FER1L6: variants seen among roughly 807,000 people sequenced by gnomAD.
FER1L6 encodes the protein fer-1-like protein 6.
FER1L6 carries 177 observed loss-of-function variants against 219.2 expected under a neutral mutation model. The observed-to-expected ratio is 0.81, with a 90% CI of 0.71 to 0.91. The LOEUF (loss-of-function observed/expected upper bound fraction) is 0.91. FER1L6 is among the 40% of genes least tolerant of loss of function. The probability of loss-of-function intolerance (pLI) is 0.00; values close to 1 mark genes in which losing one functional copy is unlikely to be tolerated. For synonymous variants in FER1L6, 768 were observed against 824.3 expected (o/e 0.93, Z 1.17); for missense variants, 2,153 against 2,259.9 (o/e 0.95, Z 0.96).
intron 17 of FER1L6, 79 bp downstream of exon 17, chr8:124,021,748 G>A (rs897100955): frequency 1.3e-6 from 2 of 1,530,472 alleles, no homozygotes; most frequent in African/African-American, 1.4e-5. Context: ...GTTGGTACGG[G>A]TGAAATATGA....
intron 18 of FER1L6, among the ~76,000 whole-genome samples, chr8:124,025,783 G>T (rs1818681755): frequency 6.6e-6 from 1 of 152,120 alleles, no homozygotes; most frequent in Non-Finnish European, 1.5e-5. Flanking sequence ...TTATTTTCAT[G>T]ATATTGATTC....
chr8:124,071,535 G>C lies in FER1L6; in HGVS notation c.3996G>C (p.Gln1332His). The C allele has an allele frequency of 6.2e-7, 1 of 1,614,094 alleles. No individual in the cohort carries two copies. The highest frequency in any genetic ancestry group is 1.3e-5 in the African/African-American group (1 of 75,018). ...KGSFCIYKSPQDSSSEDSGQL... is the reference protein window; with the variant it reads ...KGSFCIYKSPHDSSSEDSGQL... ...CCTTCTGCATCTACAAAAGCCCCCAGGATTCTAGCTCTGAGGACAGCGGGC... is the reference window on the plus strand; with the variant it reads ...CCTTCTGCATCTACAAAAGCCCCCACGATTCTAGCTCTGAGGACAGCGGGC... Residue 1332 changes from glutamine to histidine, a missense_variant, in exon 31 of 41, where the codon CAG (glutamine) becomes CAC (histidine). Gln to His is a conservative substitution (Grantham distance 24). Coordinates refer to ENST00000522917, the MANE Select transcript of FER1L6 (RefSeq NM_001039112.2).
rs546141300 is a variant in FER1L6 at position 124,013,635 on chromosome 8, T to C, written c.1922+104T>C. 2.1e-4 allele frequency: 135 copies of C among 642,654 alleles called. 1 individual carries two copies. In the African/African-American group the frequency reaches 2.2e-3, roughly 11 times the overall value. The allele number at this position is 642,654 out of a possible 1,614,324, so 39.8% of individuals were successfully genotyped here. A position where few individuals can be genotyped will look rare whatever the true frequency, so the allele number is the denominator to read the frequency against. On this transcript the variant is annotated intron_variant, in intron 15 of 40. Coordinates refer to ENST00000522917, the MANE Select transcript of FER1L6 (RefSeq NM_001039112.2). ...ATTTCACATGCATTCAAATGGGTGT[T>C]TTAGAGTGCTGTATCCATCTTAATT...
intron 1 of FER1L6, among the ~76,000 whole-genome samples, chr8:123,912,011 C>T (rs575802602): frequency 1.3e-5 from 2 of 152,218 alleles, no homozygotes; most frequent in South Asian, 4.1e-4. Context: ...ATCTGTTTGG[C>T]ATGGAGTGAG....
rs555407987 is a variant in FER1L6, at chr8:123,979,328, C to T, written c.1064-1137C>T. ...CATCTACTGAGCGGAAATTCTTTTA[C>T]CTGACCTCTGCCTGGCTGGCTCAGT... On this transcript the variant is annotated intron_variant, in intron 10 of 40. Transcript: ENST00000522917. Among the ~76,000 whole-genome samples the T allele has an allele frequency of 2.6e-5, 4 of 152,252 alleles. No homozygotes were observed. In the East Asian group the frequency reaches 7.7e-4, roughly 29 times the overall value.
intron 18 of FER1L6, among the ~76,000 whole-genome samples, chr8:124,024,449 C>T (rs556964540): frequency 2.0e-5 from 3 of 146,666 alleles, no homozygotes; most frequent in African/African-American, 7.5e-5. Context: ...TGAGAACATA[C>T]AGTATTTGGT....
intron 2 of FER1L6, among the ~76,000 whole-genome samples, chr8:123,960,985 A>C (rs1815247370): frequency 6.6e-6 from 1 of 152,162 alleles, no homozygotes; most frequent in Non-Finnish European, 1.5e-5. Flanking sequence ...ACGGTGGCTC[A>C]TGCCTGCGAT....
intron 1 of FER1L6, among the ~76,000 whole-genome samples, chr8:123,865,249 G>T (rs920265847): frequency 2.7e-5 from 4 of 149,918 alleles, no homozygotes; most frequent in Non-Finnish European, 5.9e-5. Context: ...AGTGTGAGGT[G>T]TCAGTGTGCC....
At chr8:123,873,185 C>T (rs1294689903) in intron 1 of FER1L6, among the ~76,000 whole-genome samples, 3 of 152,190 alleles carry the variant, frequency 2.0e-5, no homozygotes, top group African/African-American at 7.2e-5. Flanking sequence ...ATGCACCTGA[C>T]CCCTGTTGAT....
rs971437190 is a variant in FER1L6 at position 124,039,979 on chromosome 8, G to A, written c.2562G>A (p.Thr854=). ...NGLSDPFAKV[T]FLSHCQTTKI... ...TTTCAGACCCTTTTGCCAAAGTCAC[G>A]TTCCTTTCTCACTGCCAGACAACAA... The change falls in exon 20 of 41, where the codon ACG becomes ACA. Residue 854 remains threonine (T), a synonymous_variant. Transcript: ENST00000522917. 16 of 1,613,940 alleles carry A rather than the reference G, an allele frequency of 9.9e-6. No individual in the cohort carries two copies. Among genetic ancestry groups the A allele is most frequent in the African/African-American group, 4.0e-5 (3 of 74,912 alleles).
rs937078053 is a variant in FER1L6 at position 123,853,855 on chromosome 8, G to C, written c.-8+1670G>C. On this transcript the variant is annotated intron_variant, in intron 1 of 40. Coordinates refer to ENST00000522917, the MANE Select transcript of FER1L6 (RefSeq NM_001039112.2). This position sits in a 1 kb window ranked among gnomAD's most constrained non-coding sequence, Gnocchi z 6.6. ...GATGAAGCCACAGTGATGCTACCCA[G>C]GGACTCTGCAGAGCTGCCAGTCTCC... 1.3e-5 allele frequency among the ~76,000 whole-genome samples: 2 copies of C among 152,194 alleles called. No homozygotes were observed. The highest frequency in any genetic ancestry group is 3.2e-3 in the Middle Eastern group (1 of 316).
chr8:123,896,936 C>T (rs34162489), intron 1 of FER1L6, among the ~76,000 whole-genome samples: 13 of 152,164 alleles, frequency 8.5e-5, no homozygotes, highest in Non-Finnish European at 1.3e-4. Flanking sequence ...TTGGCTCCTC[C>T]TCAATCCAGG....
chr8:123,999,199 C>A (rs1395891610), intron 12 of FER1L6, among the ~76,000 whole-genome samples: 4 of 152,070 alleles, frequency 2.6e-5, no homozygotes, highest in Non-Finnish European at 5.9e-5. Context: ...GGTGCTGAGT[C>A]TCACCCAAGG....
chr8:123,998,346 C>T (rs942757059), intron 12 of FER1L6, among the ~76,000 whole-genome samples: 61 of 141,462 alleles, frequency 4.3e-4, no homozygotes, highest in African/African-American at 1.6e-3. Flanking sequence ...GACACTTGTT[C>T]TCTTAGTTTC....
chr8:124,102,953 T>C (rs1222782562), intron 38 of FER1L6, among the ~76,000 whole-genome samples, 193 bp from the exon 39 acceptor site: 2 of 152,226 alleles, frequency 1.3e-5, no homozygotes, highest in Non-Finnish European at 2.9e-5. Flanking sequence ...ATGTGATTAA[T>C]CTTTTGATGG....
intron 1 of FER1L6, among the ~76,000 whole-genome samples, chr8:123,871,476 C>G (rs1004540167): frequency 2.2e-4 from 33 of 152,236 alleles, no homozygotes; most frequent in African/African-American, 6.0e-4. Flanking sequence ...TCCCCTCCCC[C>G]ACACATAATG....
intron 1 of FER1L6, among the ~76,000 whole-genome samples, chr8:123,888,555 G>A (rs754653162): frequency 2.0e-5 from 3 of 152,208 alleles, no homozygotes; most frequent in Non-Finnish European, 4.4e-5. Context: ...CTGGTCAGTA[G>A]GTTCCAGGTG....
chr8:123,967,954 T>C lies in FER1L6; in HGVS notation c.384+1664T>C, dbSNP rs561405863. 2.6e-3 allele frequency among the ~76,000 whole-genome samples: 394 copies of C among 150,054 alleles called. 2 individuals are homozygous for C. Among genetic ancestry groups the C allele is most frequent in the African/African-American group, 9.2e-3 (376 of 40,740 alleles). On this transcript the variant is annotated intron_variant, in intron 5 of 40. Transcript: ENST00000522917. Reference sequence around the variant, plus strand: ...CTGGGCAACAAAGCAAGACGTTGTCTCAGGAAAAAAAAAAAAATCTTATTA... The same window carrying C: ...CTGGGCAACAAAGCAAGACGTTGTCCCAGGAAAAAAAAAAAAATCTTATTA...
In FER1L6 at chr8:124,040,025, A is replaced by G. The variant is rs761362488; in HGVS notation, c.2589+19A>G. 7 of 1,613,780 alleles carry G rather than the reference A, an allele frequency of 4.3e-6. No homozygotes were observed. Among genetic ancestry groups the G allele is most frequent in the African/African-American group, 1.3e-5 (1 of 74,888 alleles). On this transcript the variant is annotated intron_variant, in intron 20 of 40. Coordinates refer to ENST00000522917, the MANE Select transcript of FER1L6 (RefSeq NM_001039112.2). ...AACAAAGGTAACCAGGGTAACCAAG[A>G]CAGCCTGCTTCTTTCCTGCAGCCTG...
Sources: allele counts gnomAD v4.1 joint callset (sites outside exome capture counted in the v4.1 genomes callset), GRCh38; gene constraint gnomAD v4.1.1; non-coding constraint Gnocchi (gnomAD v3.1); transcripts MANE v1.5; gene names NCBI Gene and HGNC (gene_info 2026-07-23, HGNC 2026-07-21).